The following AVEN variants were observed in gnomAD, a reference collection of about 807,000 sequenced individuals.
AVEN encodes the protein cell death regulator Aven.
AVEN carries 41 observed loss-of-function variants against 38.1 expected under a neutral mutation model. The observed-to-expected ratio is 1.08, with a 90% CI of 0.84 to 1.40. The LOEUF (loss-of-function observed/expected upper bound fraction) is 1.40. Among genes scored for constraint, AVEN ranks in the 40% most tolerant of loss-of-function variants. AVEN has a pLI of 0.00. For synonymous variants in AVEN, 206 were observed against 171.8 expected (o/e 1.20, Z -1.56); for missense variants, 605 against 438.8 (o/e 1.38, Z -3.38).
At chr15:34,004,760 C>A (rs184487792) in intron 1 of AVEN, among the ~76,000 whole-genome samples, 39 of 152,110 alleles carry the variant, frequency 2.6e-4, no homozygotes, top group African/African-American at 8.4e-4. Context: ...ATGATGGGTA[C>A]ATGGAAAATC....
At chr15:33,938,741 TA>T (rs1418687750) in intron 2 of AVEN, among the ~76,000 whole-genome samples, 1 of 152,196 alleles carries the variant, frequency 6.6e-6, no homozygotes, top group Non-Finnish European at 1.5e-5. Context: ...GAATAAATGA[TA>T]AAGTTATAAA....
downstream of AVEN, chr15:33,854,246 TG>T: frequency 1.5e-6 from 1 of 654,970 alleles, no homozygotes. Context: ...TCTTGTCTCA[TG>T]GGGAGCACAT....
intron 1 of AVEN, among the ~76,000 whole-genome samples, chr15:34,030,501 T>A (rs535421675): frequency 1.3e-4 from 20 of 152,022 alleles, no homozygotes; most frequent in South Asian, 4.2e-4. Flanking sequence ...GCCTGCCACC[T>A]CGCCCGGCTA....
chr15:34,067,069 C>T (rs1900531399), intron 2 of AVEN: 1 of 152,136 alleles, frequency 6.6e-6, no homozygotes, highest in Non-Finnish European at 1.5e-5. Context: ...GCCTTCTATG[C>T]CCCCAGTCTT....
chr15:33,974,420 T>A (rs1895782148), intron 2 of AVEN, among the ~76,000 whole-genome samples: 1 of 152,210 alleles, frequency 6.6e-6, no homozygotes, highest in Non-Finnish European at 1.5e-5. Flanking sequence ...CTTCTCCTTA[T>A]GCCAACATAC....
chr15:33,907,391 C>T (rs551399965), intron 2 of AVEN, among the ~76,000 whole-genome samples: 1 of 152,292 alleles, frequency 6.6e-6, no homozygotes, highest in African/African-American at 2.4e-5. Flanking sequence ...GCTGGGGTAT[C>T]AACATCAGTC....
intron 2 of AVEN, among the ~76,000 whole-genome samples, chr15:33,936,491 G>C (rs1320384198): frequency 8.5e-5 from 13 of 152,162 alleles, no homozygotes; most frequent in Non-Finnish European, 1.3e-4. Context: ...TAAAAGAACA[G>C]AATAAATAAA....
intron 2 of AVEN, among the ~76,000 whole-genome samples, chr15:33,962,310 C>T (rs1318396324): frequency 6.6e-6 from 1 of 152,142 alleles, no homozygotes; most frequent in Non-Finnish European, 1.5e-5. Flanking sequence ...ATCCACAGCC[C>T]ATCTTGTTCA....
rs1898597665 is a variant in AVEN, at chr15:34,028,353, C to T, written c.267+10427G>A. ...GCCAAGGCAGGTGGTTCACTTGAGCCCAGGAGTTCGAGAGCAGCCTGTGCA... is the reference window on the plus strand; with the variant it reads ...GCCAAGGCAGGTGGTTCACTTGAGCTCAGGAGTTCGAGAGCAGCCTGTGCA... On this transcript the variant is annotated intron_variant, in intron 1 of 5. Coordinates refer to ENST00000306730, the MANE Select transcript of AVEN (RefSeq NM_020371.3). Among the ~76,000 whole-genome samples the T allele has an allele frequency of 1.3e-5, 2 of 152,060 alleles. 1 individual carries two copies. Among genetic ancestry groups the T allele is most frequent in the South Asian group, 4.2e-4 (2 of 4,818 alleles).
At chr15:34,045,694 C>T (rs1899655981) in intron 5 of AVEN, among the ~76,000 whole-genome samples, 1 of 150,742 alleles carries the variant, frequency 6.6e-6, no homozygotes, top group Admixed American at 6.7e-5. Flanking sequence ...AGGCATAAAG[C>T]TTCTCATAAA....
chr15:33,960,441 TGTGAGA>T (rs1462597165), intron 2 of AVEN, among the ~76,000 whole-genome samples: 3 of 135,804 alleles, frequency 2.2e-5, no homozygotes, highest in Non-Finnish European at 3.0e-5. Flanking sequence ...GTGTTGTGTG[TGTGAGA>T]GAGAGAGAGA....
At chr15:34,015,121 T>C (rs1310222087) in intron 1 of AVEN, among the ~76,000 whole-genome samples, 1 of 151,988 alleles carries the variant, frequency 6.6e-6, no homozygotes, top group Non-Finnish European at 1.5e-5. Context: ...CAACAAAGGA[T>C]CACAGTCAAA....
intron 2 of AVEN, among the ~76,000 whole-genome samples, chr15:33,990,020 T>C (rs1896649436): frequency 6.6e-6 from 1 of 151,458 alleles, no homozygotes; most frequent in Admixed American, 6.6e-5. Flanking sequence ...CTGGCCAACA[T>C]GGTGAAACCC....
intron 5 of AVEN, among the ~76,000 whole-genome samples, chr15:34,061,572 T>C (rs1049777186): frequency 9.2e-5 from 14 of 152,222 alleles, no homozygotes; most frequent in African/African-American, 3.4e-4. Flanking sequence ...TACACTAAAC[T>C]GTTAGCATTG....
chr15:33,857,170 C>G (rs866955045), downstream of AVEN, among the ~76,000 whole-genome samples: 1 of 152,150 alleles, frequency 6.6e-6, no homozygotes, highest in Non-Finnish European at 1.5e-5. Flanking sequence ...GTACTACAGA[C>G]TGCTATTTTG....
At chr15:34,036,424 C>A (rs1441861109) in intron 1 of AVEN, among the ~76,000 whole-genome samples, 1 of 152,076 alleles carries the variant, frequency 6.6e-6, no homozygotes, top group African/African-American at 2.4e-5. Context: ...GGCTAGGAGT[C>A]TATTATGATT....
rs1900436473 is a variant in AVEN at position 34,063,898 on chromosome 15, A to G, written n.1127-466T>C. On this transcript the variant is annotated intron_variant and non_coding_transcript_variant, in intron 4 of 11. Coordinates refer to the AVEN transcript ENST00000675287. The surrounding 1 kb of genome is among the most constrained non-coding windows in gnomAD (Gnocchi z 4.1). Reference sequence around the variant, plus strand: ...AAAGCTGACGGGAACCAGGAGACCAACAATGGCTGTCACAAGGTGAAAATC... The same window carrying G: ...AAAGCTGACGGGAACCAGGAGACCAGCAATGGCTGTCACAAGGTGAAAATC... The G allele has an allele frequency of 6.2e-7, 1 of 1,614,234 alleles. No homozygotes were observed. Among genetic ancestry groups the G allele is most frequent in the Non-Finnish European group, 8.5e-7 (1 of 1,180,038 alleles).
chr15:33,869,966 T>G (rs890822656), intron 4 of AVEN, among the ~76,000 whole-genome samples: 2 of 152,140 alleles, frequency 1.3e-5, no homozygotes, highest in Non-Finnish European at 2.9e-5. Flanking sequence ...GATGTAGAAC[T>G]ATAAAGTTCA....
At chr15:34,028,367 G>A (rs2078561) in intron 1 of AVEN, among the ~76,000 whole-genome samples, 3 of 152,048 alleles carry the variant, frequency 2.0e-5, no homozygotes, top group East Asian at 3.9e-4. Flanking sequence ...GAGTTCGAGA[G>A]CAGCCTGTGC....
Sources: allele counts gnomAD v4.1 joint callset (sites outside exome capture counted in the v4.1 genomes callset), GRCh38; gene constraint gnomAD v4.1.1; non-coding constraint Gnocchi (gnomAD v3.1); transcripts MANE v1.5; gene names NCBI Gene and HGNC (gene_info 2026-07-23, HGNC 2026-07-21).